Variants in RTN2 observed in about 807,000 individuals in gnomAD.
The protein encoded by RTN2 is reticulon-2.
A neutral mutation model predicts 63.7 loss-of-function variants in RTN2; 36 were observed. The observed-to-expected ratio is 0.56, with a 90% CI of 0.43 to 0.75. RTN2 has a LOEUF of 0.75. RTN2 is among the 30% of genes least tolerant of loss of function. The probability of loss-of-function intolerance (pLI) is 0.00; values close to 1 mark genes in which losing one functional copy is unlikely to be tolerated. For synonymous variants in RTN2, 312 were observed against 313.0 expected, an observed-to-expected ratio of 1.00 and a Z score of 0.03; for missense variants, 673 against 705.1, an observed-to-expected ratio of 0.95 and a Z score of 0.52.
chr19:45,493,322 GA>G lies in RTN2; in HGVS notation c.870del (p.Pro291GlnfsTer31), dbSNP rs1304782055. ...AGAGGTGGGGACAATTCCAAAATTG[GA>G]ACCGTCTTGTAAACAGCCAAAAGCA... ...TSLLLAVYKT[V>X]PILELSPPLW... On this transcript the variant is annotated frameshift_variant, in exon 5 of 11. Transcript: ENST00000245923. LOFTEE classifies it high-confidence loss of function. The G allele has an allele frequency of 6.2e-7, 1 of 1,611,152 alleles. No individual in the cohort carries two copies. Among genetic ancestry groups the G allele is most frequent in the Non-Finnish European group, 8.5e-7 (1 of 1,179,214 alleles).
intron 10 of RTN2, 54 bp downstream of exon 10, chr19:45,486,001 G>T: frequency 6.4e-7 from 1 of 1,555,406 alleles, no homozygotes; most frequent in Non-Finnish European, 8.9e-7. Context: ...GAAAGGAAAG[G>T]TTCCCAAGCT....
intron 4 of RTN2, among the ~76,000 whole-genome samples, 167 bp from the exon 5 acceptor site, chr19:45,493,545 C>T (rs1381958949): frequency 6.6e-6 from 1 of 152,090 alleles, no homozygotes; most frequent in East Asian, 1.9e-4. Context: ...CCTCCCGCCT[C>T]GGCCTCCCAA....
chr19:45,496,182 G>C (rs1968264885), intron 1 of RTN2, among the ~76,000 whole-genome samples: 1 of 152,148 alleles, frequency 6.6e-6, no homozygotes, highest in African/African-American at 2.4e-5. Flanking sequence ...GAAATCTGAC[G>C]CCCTGTGCCC....
Position 45,494,717 on chromosome 19 carries a change from C to T in RTN2, c.368G>A (p.Arg123Gln), listed in dbSNP as rs752745242. ...AGGCGCGGTGTCAGGATCACCCCGT[C>T]GTCCAGGCTCCGGGGATTGGCTCAG... ...PSLSQSPEPG[R>Q]RGDPDTAPPS... is the part of the protein sequence containing the mutation. The change falls in exon 3 of 11, where the codon CGA becomes CAA. Residue 123 changes from arginine (R) to glutamine (Q), a missense_variant. Transcript: ENST00000245923. The surrounding 1 kb of genome is among the most constrained non-coding windows in gnomAD (Gnocchi z 5.3). 32 of 1,612,836 alleles carry T rather than the reference C, an allele frequency of 2.0e-5. No homozygotes were observed. The highest frequency in any genetic ancestry group is 2.7e-5 in the Non-Finnish European group (32 of 1,179,990).
intron 6 of RTN2, 94 bp downstream of exon 6, chr19:45,489,252 C>T (rs1175137715): frequency 2.0e-5 from 23 of 1,164,194 alleles, no homozygotes; most frequent in Admixed American, 6.2e-5. Context: ...CAAGATGAGT[C>T]GGGGTCCGGG....
At chr19:45,492,724 T>G (rs1049270282) in intron 5 of RTN2, among the ~76,000 whole-genome samples, 2 of 152,132 alleles carry the variant, frequency 1.3e-5, no homozygotes, top group Non-Finnish European at 1.5e-5. Context: ...TCTCCTCTCA[T>G]TTACCTCCAA....
At chr19:45,493,792 G>T in intron 4 of RTN2, 2 of 281,380 alleles carry the variant, frequency 7.1e-6, no homozygotes, top group Non-Finnish European at 1.3e-5. Flanking sequence ...CGCCCAGGCT[G>T]GAGTGCAGTG....
At chr19:45,488,578 G>A in intron 8 of RTN2, 59 bp downstream of exon 8, 1 of 1,613,250 alleles carries the variant, frequency 6.2e-7, no homozygotes, top group Non-Finnish European at 8.5e-7. Context: ...TCCATCTGGA[G>A]CCCTGTCCCC....
chr19:45,490,489 G>A (rs1028249326), intron 5 of RTN2, among the ~76,000 whole-genome samples: 1 of 151,986 alleles, frequency 6.6e-6, no homozygotes, highest in Non-Finnish European at 1.5e-5. Flanking sequence ...GACTATTTCT[G>A]AGACAGATTC....
rs1568625430 is a variant in RTN2 at position 45,494,556 on chromosome 19, TGGGTTCTTG to T, written c.520_528del (p.Gln174_Pro176del). The T allele has an allele frequency of 1.2e-6, 2 of 1,614,062 alleles. No homozygotes were observed. The highest frequency in any genetic ancestry group is 1.1e-5 in the South Asian group (1 of 91,074). On this transcript the variant is annotated inframe_deletion, in exon 3 of 11. Transcript: ENST00000245923. The surrounding 1 kb of genome is among the most constrained non-coding windows in gnomAD (Gnocchi z 5.3). ...CCAGCTTCTCCTGTCTCCAATCTGTTGGGTTCTTGGGGTTCTTCGTCTTCCAGCGGGGTG... is the reference window on the plus strand; with the variant it reads ...CCAGCTTCTCCTGTCTCCAATCTGTTGGGTTCTTCGTCTTCCAGCGGGGTG...
rs1776238584 is a variant in RTN2 at position 45,494,291 on chromosome 19, C to T, written c.689G>A (p.Gly230Glu). ...SPSRSRDSNS[G>E]PEEPLLEEEE... ...CTCTTCCAGCAATGGCTCTTCGGGC[C>T]CAGAGTTCGAATCTCGCGATCGGGA... The change falls in exon 4 of 11, where the codon GGG becomes GAG. Residue 230 changes from glycine (G) to glutamate (E), a missense_variant. Coordinates refer to ENST00000245923, the MANE Select transcript of RTN2 (RefSeq NM_005619.5). This position sits in a 1 kb window ranked among gnomAD's most constrained non-coding sequence, Gnocchi z 5.3. 1 of 1,613,900 alleles carries T rather than the reference C, an allele frequency of 6.2e-7. No homozygotes were observed.
rs745409162 is a variant in RTN2, at chr19:45,494,696, G to A, written c.389C>T (p.Ala130Val). The change falls in exon 3 of 11, where the codon GCG (alanine) becomes GTG (valine). Residue 130 changes from alanine (A) to valine (V), a missense_variant. Coordinates refer to ENST00000245923, the MANE Select transcript of RTN2 (RefSeq NM_005619.5). The surrounding 1 kb of genome is among the most constrained non-coding windows in gnomAD (Gnocchi z 5.3). ...EPGRRGDPDTAPPSERPLEDL... is the reference protein window; with the variant it reads ...EPGRRGDPDTVPPSERPLEDL... ...TTCCAGAGGGCGCTCGGATGGAGGC[G>A]CGGTGTCAGGATCACCCCGTCGTCC... The A allele has an allele frequency of 1.9e-5, 30 of 1,613,434 alleles. No individual in the cohort carries two copies. Among genetic ancestry groups the A allele is most frequent in the Admixed American group, 3.3e-5 (2 of 60,000 alleles).
At chr19:45,490,937 A>C (rs1341092026) in intron 5 of RTN2, among the ~76,000 whole-genome samples, 1 of 147,800 alleles carries the variant, frequency 6.8e-6, no homozygotes, top group Non-Finnish European at 1.5e-5. Context: ...CCCAGGCTGG[A>C]GTGCAATTGT....
intron 5 of RTN2, 93 bp from the exon 6 acceptor site, chr19:45,489,646 G>C (rs550816781): frequency 2.5e-6 from 2 of 807,474 alleles, no homozygotes; most frequent in East Asian, 2.7e-5. Flanking sequence ...ATGACTTCTC[G>C]ACACACCTGT....
At chr19:45,489,648 C>A in intron 5 of RTN2, 95 bp from the exon 6 acceptor site, 1 of 787,196 alleles carries the variant, frequency 1.3e-6, no homozygotes, top group South Asian at 1.7e-5. Flanking sequence ...GACTTCTCGA[C>A]ACACCTGTTT....
At position 45,493,260 on chromosome 19, in the gene RTN2, G is replaced by A. The variant is rs539287856; in HGVS notation, c.933C>T (p.Thr311=). ...GAACCCGGAGGACAGGAGTAGGGGG[G>A]GTGGGGCCCCTTTGGACCCAGCCAA... ...TAIGWVQRGP[T]PPTPVLRVLL... The change falls in exon 5 of 11, where the codon ACC becomes ACT. Residue 311 remains threonine (T), a synonymous_variant. Transcript: ENST00000245923. 3.1e-6 allele frequency: 5 copies of A among 1,613,572 alleles called. No homozygotes were observed. The African/African-American group carries it at 4.0e-5, about 13-fold the overall frequency.
chr19:45,495,877 T>C (rs1323642418), intron 1 of RTN2, among the ~76,000 whole-genome samples: 1 of 152,144 alleles, frequency 6.6e-6, no homozygotes, highest in East Asian at 1.9e-4. Context: ...CCCTTTGTAA[T>C]CTGAAGTTAA....
chr19:45,493,019 C>T, intron 5 of RTN2, 141 bp downstream of exon 5: 1 of 874,764 alleles, frequency 1.1e-6, no homozygotes, highest in Non-Finnish European at 1.9e-6. Flanking sequence ...CCTATACTGC[C>T]CCTCGGCCCC....
chr19:45,494,700 T>G lies in RTN2; in HGVS notation c.385A>C (p.Thr129Pro). 6.2e-7 allele frequency: 1 copy of G among 1,613,272 alleles called. No individual in the cohort carries two copies. The highest frequency in any genetic ancestry group is 8.5e-7 in the Non-Finnish European group (1 of 1,179,936). Reference sequence around the variant, plus strand: ...AGAGGGCGCTCGGATGGAGGCGCGGTGTCAGGATCACCCCGTCGTCCAGGC... The same window carrying G: ...AGAGGGCGCTCGGATGGAGGCGCGGGGTCAGGATCACCCCGTCGTCCAGGC... ...PEPGRRGDPD[T>P]APPSERPLED... The change falls in exon 3 of 11, where the codon ACC (threonine) becomes CCC (proline). Residue 129 changes from threonine (T) to proline (P), a missense_variant. Coordinates refer to ENST00000245923, the MANE Select transcript of RTN2 (RefSeq NM_005619.5). This position sits in a 1 kb window ranked among gnomAD's most constrained non-coding sequence, Gnocchi z 5.3.
Sources: allele counts gnomAD v4.1 joint callset (sites outside exome capture counted in the v4.1 genomes callset), GRCh38; gene constraint gnomAD v4.1.1; non-coding constraint Gnocchi (gnomAD v3.1); transcripts MANE v1.5; gene names NCBI Gene and HGNC (gene_info 2026-07-23, HGNC 2026-07-21).